The following TENM1 variants were observed in gnomAD, a reference collection of about 807,000 sequenced individuals.
TENM1 encodes the protein teneurin-1.
A neutral mutation model predicts 174.8 loss-of-function variants in TENM1; 35 were observed. The observed-to-expected ratio is 0.20, with a 90% CI of 0.15 to 0.27. The LOEUF (loss-of-function observed/expected upper bound fraction) is 0.27. Among genes scored for constraint, TENM1 ranks in the 10% least tolerant of loss-of-function variants. The probability of loss-of-function intolerance (pLI) is 1.00; values close to 1 mark genes in which losing one functional copy is unlikely to be tolerated. For synonymous variants in TENM1, 781 were observed against 798.7 expected, an observed-to-expected ratio of 0.98 and a Z score of 0.37; for missense variants, 1,633 against 2,130.1, an observed-to-expected ratio of 0.77 and a Z score of 4.59.
At chrX:125,130,154 A>T in the TENM1 span, among the ~76,000 whole-genome samples, 1 of 111,508 alleles carries the variant, frequency 9.0e-6, no homozygotes, top group East Asian at 2.8e-4. Flanking sequence ...AAGCTTGGAA[A>T]CATTCAGTGT....
At chrX:124,782,007 ATT>A (rs762144636) in intron 3 of TENM1, among the ~76,000 whole-genome samples, 24 of 111,121 alleles carry the variant, frequency 2.2e-4, no homozygotes, top group Non-Finnish European at 4.2e-4. Context: ...GTTGAGTACC[ATT>A]TCCAGGTCTG....
At chrX:124,805,655 GC>G (rs2055575949) in intron 3 of TENM1, among the ~76,000 whole-genome samples, 1 of 112,047 alleles carries the variant, frequency 8.9e-6, no homozygotes, top group Non-Finnish European at 1.9e-5. Flanking sequence ...CAACCATGGG[GC>G]TTCTGCTGCA....
intron 18 of TENM1, 43 bp from the exon 22 acceptor site, chrX:124,503,746 A>G (rs1320927893): frequency 9.0e-7 from 1 of 1,106,751 alleles, no homozygotes; most frequent in Admixed American, 2.7e-5. Flanking sequence ...ACTGTAAAAT[A>G]TTTGCTTCAT....
At chrX:124,875,120 T>C (rs1251581210) in intron 3 of TENM1, among the ~76,000 whole-genome samples, 1 of 111,474 alleles carries the variant, frequency 9.0e-6, no homozygotes, top group African/African-American at 3.3e-5. Flanking sequence ...TTAAGGGGAA[T>C]TTTTATGGTT....
chrX:125,005,698 G>A, the TENM1 span, among the ~76,000 whole-genome samples: 4 of 110,069 alleles, frequency 3.6e-5, no homozygotes, highest in Admixed American at 1.9e-4. Context: ...ATCTCATTGC[G>A]ACTTGTTAGA....
intron 3 of TENM1, among the ~76,000 whole-genome samples, chrX:124,826,737 A>T (rs1167467639): frequency 8.9e-6 from 1 of 111,784 alleles, no homozygotes; most frequent in East Asian, 2.8e-4. Context: ...TTTGAAATGC[A>T]CTTGTCTGTA....
chrX:124,807,878 TACACAC>T (rs151254866), intron 3 of TENM1, among the ~76,000 whole-genome samples: 1,230 of 85,124 alleles, frequency 0.014, 7 homozygotes, highest in South Asian at 0.045. Context: ...GAAAATCACT[TACACAC>T]ACACACACAC....
At chrX:125,146,547 T>C in the TENM1 span, among the ~76,000 whole-genome samples, 1 of 111,611 alleles carries the variant, frequency 9.0e-6, no homozygotes, top group East Asian at 2.8e-4. Flanking sequence ...TGTGTGTCAA[T>C]AGAGGTATAA....
At chrX:125,086,562 T>C in the TENM1 span, among the ~76,000 whole-genome samples, 3 of 111,398 alleles carry the variant, frequency 2.7e-5, no homozygotes, top group Non-Finnish European at 5.7e-5. Context: ...GAATAATTCC[T>C]AAAATTTACA....
intron 22 of TENM1, among the ~76,000 whole-genome samples, chrX:124,473,073 T>C (rs944626827): frequency 2.3e-4 from 26 of 111,895 alleles, no homozygotes; most frequent in African/African-American, 7.5e-4. Flanking sequence ...GCAAACATAC[T>C]ACCTTTTGCT....
chrX:125,047,586 AG>A, the TENM1 span, among the ~76,000 whole-genome samples: 64 of 111,615 alleles, frequency 5.7e-4, no homozygotes, highest in African/African-American at 1.9e-3. Flanking sequence ...GGAGCACATT[AG>A]TATGTGCACT....
At chrX:124,893,354 C>T (rs1034490714) in intron 3 of TENM1, among the ~76,000 whole-genome samples, 4 of 112,332 alleles carry the variant, frequency 3.6e-5, no homozygotes, top group African/African-American at 1.3e-4. Flanking sequence ...TTCTGAATTG[C>T]TGTTTTAATA....
chrX:124,388,806 C>T (rs987373962), intron 28 of TENM1, among the ~76,000 whole-genome samples: 1 of 112,259 alleles, frequency 8.9e-6, no homozygotes, highest in African/African-American at 3.2e-5. Context: ...AAGCCAAAGT[C>T]GTCGTTCTGT....
intron 22 of TENM1, among the ~76,000 whole-genome samples, chrX:124,467,870 C>T (rs946392557): frequency 4.6e-5 from 5 of 108,785 alleles, no homozygotes; most frequent in African/African-American, 1.3e-4. Context: ...GTGATTCTTC[C>T]GCCTCAGCCT....
chrX:124,901,548 C>T (rs13328582), intron 1 of TENM1, among the ~76,000 whole-genome samples: 3,098 of 111,345 alleles, frequency 0.028, 99 homozygotes, highest in African/African-American at 0.092. Context: ...GATCTTGGCT[C>T]ACTGCAGCCT....
At chrX:124,473,325 T>C (rs750014819) in intron 22 of TENM1, among the ~76,000 whole-genome samples, 1 of 111,647 alleles carries the variant, frequency 9.0e-6, no homozygotes, top group Admixed American at 9.5e-5. Flanking sequence ...AAAATATGAT[T>C]TAAGTGATTT....
chrX:124,385,593 C>G (rs1370508937), intron 29 of TENM1, 84 bp downstream of exon 32: 2 of 928,212 alleles, frequency 2.2e-6, no homozygotes, highest in African/African-American at 3.9e-5. Flanking sequence ...TAGATTAATG[C>G]TTCTATCTCA....
the TENM1 span, among the ~76,000 whole-genome samples, chrX:125,009,683 C>A: frequency 8.9e-6 from 1 of 112,059 alleles, no homozygotes; most frequent in African/African-American, 3.2e-5. Context: ...GCTTATCCAA[C>A]ACTATCAAGT....
intron 22 of TENM1, among the ~76,000 whole-genome samples, chrX:124,464,223 T>A (rs2061216259): frequency 9.0e-6 from 1 of 111,302 alleles, no homozygotes; most frequent in African/African-American, 3.3e-5. Flanking sequence ...TTATTGCCCA[T>A]GGACCAGCAA....
Sources: allele counts gnomAD v4.1 joint callset (sites outside exome capture counted in the v4.1 genomes callset), GRCh38; gene constraint gnomAD v4.1.1; transcripts MANE v1.5; gene names NCBI Gene and HGNC (gene_info 2026-07-23, HGNC 2026-07-21).